The following SEPHS1 variants were observed in gnomAD, a reference collection of about 807,000 sequenced individuals.
SEPHS1 encodes zincore component SEPHS1.
In SEPHS1, 7 loss-of-function variants were observed where a neutral mutation model predicts 39.2. That is an observed-to-expected ratio of 0.18 (90% CI 0.10 to 0.34). The LOEUF is 0.34. Among genes scored for constraint, SEPHS1 ranks in the 10% least tolerant of loss-of-function variants. SEPHS1 has a pLI of 1.00. For synonymous variants in SEPHS1, 190 were observed against 195.5 expected (o/e 0.97, Z 0.23); for missense variants, 253 against 514.5 (o/e 0.49, Z 4.92).
chr10:13,348,112 C>CCGGCGG lies in SEPHS1; in HGVS notation c.-197_-192dup, dbSNP rs572185148. The CCGGCGG allele has an allele frequency of 0.013, 1,898 of 145,102 alleles. 19 individuals are homozygous for CCGGCGG. Among genetic ancestry groups the CCGGCGG allele is most frequent in the African/African-American group, 0.026 (1,060 of 40,386 alleles). The allele number at this position is 145,102 out of a possible 1,614,324, so 9.0% of individuals were successfully genotyped here. On this transcript the variant is annotated 5_prime_UTR_variant, in exon 1 of 9. Coordinates refer to ENST00000327347, the MANE Select transcript of SEPHS1 (RefSeq NM_012247.5). Reference sequence around the variant, plus strand: ...CGTCGCCTGAATAAAAATGCCGCGCCCGGCGGCGGCGGCGGCGGCGGGGGC... The same window carrying CCGGCGG: ...CGTCGCCTGAATAAAAATGCCGCGCCCGGCGGCGGCGGCGGCGGCGGCGGCGGGGGC...
At chr10:13,346,657 AAAC>A (rs1230600857) in intron 1 of SEPHS1, among the ~76,000 whole-genome samples, 23 of 152,166 alleles carry the variant, frequency 1.5e-4, no homozygotes, top group African/African-American at 5.6e-4. Context: ...TTTTCAACAA[AAAC>A]AACAAAGTCC....
At chr10:13,340,452 A>G (rs1833751295) in intron 2 of SEPHS1, among the ~76,000 whole-genome samples, 1 of 152,004 alleles carries the variant, frequency 6.6e-6, no homozygotes, top group African/African-American at 2.4e-5. Context: ...GTTTCATCAC[A>G]CTCTTTAGCA....
intron 8 of SEPHS1, 49 bp from the exon 9 acceptor site, chr10:13,319,405 TTCTCTGCCTCTG>T (rs1833035886): frequency 1.3e-6 from 2 of 1,582,106 alleles, no homozygotes; most frequent in African/African-American, 1.4e-5. Flanking sequence ...TGACAGCAGC[TTCTCTGCCTCTG>T]CTGCTTCTGC....
At chr10:13,324,609 A>G (rs1015037277) in intron 7 of SEPHS1, among the ~76,000 whole-genome samples, 6 of 152,120 alleles carry the variant, frequency 3.9e-5, no homozygotes, top group African/African-American at 1.2e-4. Context: ...TGGTATTATC[A>G]GTGTTTTTGG....
At position 13,334,069 on chromosome 10, in the gene SEPHS1, A is replaced by G. The variant is rs188627304; in HGVS notation, c.406-98T>C. On this transcript the variant is annotated intron_variant, in intron 4 of 8. Coordinates refer to ENST00000327347, the MANE Select transcript of SEPHS1 (RefSeq NM_012247.5). ...TTACAGTTATAAAAAGAACCATAAA[A>G]TCCTAAAGGAAGTCCTCAAAGTTTA... 7 of 1,102,136 alleles carry G rather than the reference A, an allele frequency of 6.4e-6. No individual in the cohort carries two copies. In the Admixed American group the frequency reaches 1.8e-4, roughly 29 times the overall value. 68.3% of individuals were successfully genotyped at this position (1,102,136 alleles called of 1,614,324 possible). A position where few individuals can be genotyped will look rare whatever the true frequency, so the allele number is the denominator to read the frequency against.
intron 7 of SEPHS1, among the ~76,000 whole-genome samples, chr10:13,327,158 T>C (rs1410328177): frequency 6.7e-6 from 1 of 148,936 alleles, no homozygotes; most frequent in African/African-American, 2.5e-5. Flanking sequence ...ACAGAACTGC[T>C]TGAACCTGGT....
intron 7 of SEPHS1, among the ~76,000 whole-genome samples, chr10:13,324,620 GTTT>G (rs749639323): frequency 3.8e-4 from 58 of 151,916 alleles, no homozygotes; most frequent in African/African-American, 7.5e-4. Context: ...GTGTTTTTGG[GTTT>G]TTTTTGAGAC....
chr10:13,326,102 T>C (rs1349333190), intron 7 of SEPHS1, among the ~76,000 whole-genome samples: 1 of 152,116 alleles, frequency 6.6e-6, no homozygotes, highest in Non-Finnish European at 1.5e-5. Context: ...ATTTTCTTCA[T>C]GTGAATGTCC....
intron 7 of SEPHS1, among the ~76,000 whole-genome samples, chr10:13,326,151 C>T (rs1008229266): frequency 6.6e-6 from 1 of 151,934 alleles, no homozygotes; most frequent in African/African-American, 2.4e-5. Context: ...ACTCTTTTCT[C>T]CAATGAATTG....
intron 3 of SEPHS1, 45 bp from the exon 4 acceptor site, chr10:13,336,395 C>T (rs1227340831): frequency 1.4e-6 from 2 of 1,430,792 alleles, no homozygotes; most frequent in East Asian, 2.3e-5. Context: ...GGGGACTTTC[C>T]ATCTGCAGAA....
intron 6 of SEPHS1, among the ~76,000 whole-genome samples, chr10:13,328,888 C>T (rs1833383592): frequency 6.6e-6 from 1 of 152,182 alleles, no homozygotes; most frequent in African/African-American, 2.4e-5. Context: ...CTGCTCTGCT[C>T]CCCATCACAG....
At chr10:13,344,648 A>C (rs1183930316) in intron 2 of SEPHS1, 110 bp downstream of exon 2, 1 of 793,270 alleles carries the variant, frequency 1.3e-6, no homozygotes, top group East Asian at 2.8e-5. Context: ...AATCTATAAA[A>C]GCAAAAAAAG....
At chr10:13,335,278 G>A (rs1472277190) in intron 4 of SEPHS1, among the ~76,000 whole-genome samples, 2 of 152,208 alleles carry the variant, frequency 1.3e-5, no homozygotes, top group Non-Finnish European at 2.9e-5. Context: ...AGCCACAGCA[G>A]AGGGAGTGCC....
chr10:13,319,226 T>C lies in SEPHS1; in HGVS notation c.1095A>G (p.Arg365=). The C allele has an allele frequency of 1.2e-6, 2 of 1,613,908 alleles. No homozygotes were observed. The highest frequency in any genetic ancestry group is 1.7e-6 in the Non-Finnish European group (2 of 1,179,842). Residue 365 remains arginine, a synonymous_variant, in exon 9 of 9, where the codon AGA becomes AGG. Transcript: ENST00000327347. ...CGATGATCCGGGGTTTGTCTATGAT[T>C]CTGGCTGTGCGGTTGCCCTTCTCTA... The part of the protein sequence containing the change: ...GIVEKGNRTA[R]IIDKPRIIEV...
In SEPHS1 at chr10:13,322,821, C is replaced by T; in HGVS notation, c.964+14G>A. 6.2e-7 allele frequency: 1 copy of T among 1,611,304 alleles called. No individual in the cohort carries two copies. The highest frequency in any genetic ancestry group is 8.5e-7 in the Non-Finnish European group (1 of 1,179,264). ...CTCACTATTTAGTCCTCAGATGCGC[C>T]CAGCATCCTGTACCTGAAGTCTCCG... On this transcript the variant is annotated intron_variant, in intron 8 of 8. Coordinates refer to ENST00000327347, the MANE Select transcript of SEPHS1 (RefSeq NM_012247.5).
Position 13,336,316 on chromosome 10 carries a change from A to G in SEPHS1, c.332T>C (p.Leu111Pro). The G allele has an allele frequency of 3.1e-6, 5 of 1,613,906 alleles. No individual in the cohort carries two copies. The highest frequency in any genetic ancestry group is 4.2e-6 in the Non-Finnish European group (5 of 1,179,794). ...RIACANVLSD[L>P]YAMGVTECDN... ...ACATTCCGTGACCCCCATTGCATAG[A>G]GGTCACTGAGGACATTGGCACACGC... The change falls in exon 4 of 9, where the codon CTC becomes CCC. Residue 111 changes from leucine to proline, a missense_variant. This residue lies in a region of SEPHS1 where 123 missense variants were observed against 196.8 expected (regional missense o/e 0.62). Transcript: ENST00000327347.
At chr10:13,329,598 GGATA>G (rs2130656531) in intron 6 of SEPHS1, 96 bp downstream of exon 6, 2 of 816,938 alleles carry the variant, frequency 2.4e-6, no homozygotes, top group Non-Finnish European at 4.1e-6. Context: ...TTAACTCCCT[GGATA>G]TGAAACTAAA....
In SEPHS1 at chr10:13,317,941, G is replaced by A. The variant is rs1432193964; in HGVS notation, c.*1201C>T. The A allele has an allele frequency of 6.6e-6, 1 of 151,998 alleles. No individual in the cohort carries two copies. Among genetic ancestry groups the A allele is most frequent in the Non-Finnish European group, 1.5e-5 (1 of 68,006 alleles). The allele number at this position is 151,998 out of a possible 1,614,324, so 9.4% of individuals were successfully genotyped here. On this transcript the variant is annotated 3_prime_UTR_variant, in exon 9 of 9. Coordinates refer to ENST00000327347, the MANE Select transcript of SEPHS1 (RefSeq NM_012247.5). ...TCTAGAACTACAAAATTTAATTCAAGAAAATATAGGTCCCATGAAAGACTT... is the reference window on the plus strand; with the variant it reads ...TCTAGAACTACAAAATTTAATTCAAAAAAATATAGGTCCCATGAAAGACTT...
chr10:13,332,640 G>A (rs1193551561), intron 5 of SEPHS1, among the ~76,000 whole-genome samples: 5 of 152,132 alleles, frequency 3.3e-5, no homozygotes, highest in South Asian at 2.1e-4. Flanking sequence ...TCAGGAGATC[G>A]AGACCATCCT....
Sources: gnomAD v4.1 joint callset for allele counts (sites outside exome capture counted in the v4.1 genomes callset) on GRCh38, gnomAD v4.1.1 for gene constraint, gnomAD v4.1.1 regional missense constraint, MANE v1.5 for transcripts, NCBI Gene and HGNC (gene_info 2026-07-23, HGNC 2026-07-21) for gene names.